KCNH8: variants seen among roughly 807,000 people sequenced by gnomAD.
KCNH8 encodes the protein voltage-gated delayed rectifier potassium channel KCNH8.
KCNH8 carries 70 observed loss-of-function variants against 103.6 expected under a neutral mutation model. The ratio of observed to expected loss-of-function variants is 0.68; its 90% CI spans 0.56 to 0.82. The LOEUF is 0.82. Ranked by LOEUF, KCNH8 falls within the 40% of genes least tolerant of loss-of-function variation. The probability of loss-of-function intolerance (pLI) is 0.00; values close to 1 mark genes in which losing one functional copy is unlikely to be tolerated. For synonymous variants in KCNH8, 498 were observed against 489.4 expected (o/e 1.02, Z -0.23); for missense variants, 1,217 against 1,329.9 (o/e 0.92, Z 1.32).
intron 1 of KCNH8, among the ~76,000 whole-genome samples, chr3:19,177,717 CATGA>C (rs1386100128): frequency 1.3e-5 from 2 of 151,958 alleles, no homozygotes; most frequent in Non-Finnish European, 2.9e-5. Context: ...TTTAAAGAAT[CATGA>C]ATGAACTAAT....
chr3:19,209,469 G>A (rs755421307), intron 1 of KCNH8, among the ~76,000 whole-genome samples: 1 of 152,012 alleles, frequency 6.6e-6, no homozygotes, highest in Non-Finnish European at 1.5e-5. Context: ...AAATGAAGTA[G>A]GTTCTTCTAA....
intron 11 of KCNH8, among the ~76,000 whole-genome samples, chr3:19,502,127 AACAG>A (rs1480980066): frequency 3.4e-5 from 5 of 147,370 alleles, no homozygotes; most frequent in Non-Finnish European, 7.5e-5. Context: ...ATACACCAAC[AACAG>A]ACAAACAGAG....
chr3:19,208,017 A>C (rs772639980), intron 1 of KCNH8, among the ~76,000 whole-genome samples: 1 of 152,074 alleles, frequency 6.6e-6, no homozygotes, highest in Non-Finnish European at 1.5e-5. Flanking sequence ...GGCAATTCTA[A>C]GAATTATTAA....
intron 15 of KCNH8, among the ~76,000 whole-genome samples, chr3:19,519,304 TG>T (rs2068931104): frequency 2.6e-5 from 4 of 151,824 alleles, no homozygotes; most frequent in Non-Finnish European, 5.9e-5. Context: ...GATGACACTT[TG>T]GGGAAAATGT....
chr3:19,413,939 T>C (rs183008805), intron 7 of KCNH8, among the ~76,000 whole-genome samples: 8 of 152,172 alleles, frequency 5.3e-5, no homozygotes, highest in Admixed American at 2.0e-4. Context: ...ACCATTGATA[T>C]GTTGTAAGAA....
intron 5 of KCNH8, among the ~76,000 whole-genome samples, chr3:19,357,203 T>C (rs1366011126): frequency 1.6e-5 from 1 of 63,050 alleles, no homozygotes; most frequent in African/African-American, 1.2e-4. Flanking sequence ...ATAATTCTTT[T>C]CCCTGATAAA....
chr3:19,267,738 G>A (rs535236813), intron 2 of KCNH8, among the ~76,000 whole-genome samples: 38 of 152,182 alleles, frequency 2.5e-4, no homozygotes, highest in African/African-American at 8.7e-4. Context: ...TAGAAAATAT[G>A]AAGAAACACA....
intron 7 of KCNH8, among the ~76,000 whole-genome samples, chr3:19,432,677 A>G (rs2067140452): frequency 6.6e-6 from 1 of 152,184 alleles, no homozygotes; most frequent in Non-Finnish European, 1.5e-5. Flanking sequence ...TATTTAAGCC[A>G]CGAGAAACAC....
intron 6 of KCNH8, 30 bp downstream of exon 6, chr3:19,390,668 T>C (rs766734627): frequency 1.9e-6 from 3 of 1,583,370 alleles, no homozygotes; most frequent in East Asian, 4.6e-5. Context: ...CCACATGGCC[T>C]TTAAGGTTGA....
At chr3:19,195,467 T>C (rs1158314777) in intron 1 of KCNH8, among the ~76,000 whole-genome samples, 1 of 151,966 alleles carries the variant, frequency 6.6e-6, no homozygotes, top group East Asian at 1.9e-4. Flanking sequence ...GAGGAATTCA[T>C]GTCTCATCTC....
At chr3:19,435,093 C>T (rs946839012) in intron 7 of KCNH8, among the ~76,000 whole-genome samples, 2 of 152,028 alleles carry the variant, frequency 1.3e-5, no homozygotes, top group African/African-American at 2.4e-5. Flanking sequence ...TGTTACTGGG[C>T]TTGATTGTGG....
intron 1 of KCNH8, among the ~76,000 whole-genome samples, chr3:19,238,433 A>G (rs1224601028): frequency 6.6e-6 from 1 of 152,216 alleles, no homozygotes; most frequent in Non-Finnish European, 1.5e-5. Flanking sequence ...AAACTGAAAA[A>G]GAAAAAAATA....
chr3:19,200,162 A>G (rs572551633), intron 1 of KCNH8, among the ~76,000 whole-genome samples: 64 of 152,236 alleles, frequency 4.2e-4, no homozygotes, highest in Middle Eastern at 3.4e-3. Flanking sequence ...ACAAGAGGAA[A>G]AAATGGGTGG....
intron 5 of KCNH8, among the ~76,000 whole-genome samples, chr3:19,389,349 A>T (rs2066402023): frequency 6.6e-6 from 1 of 152,250 alleles, no homozygotes; most frequent in Non-Finnish European, 1.5e-5. Context: ...CACGGATGTC[A>T]TTTGATCAGC....
At chr3:19,504,246 C>A (rs1318587298) in intron 11 of KCNH8, among the ~76,000 whole-genome samples, 1 of 152,142 alleles carries the variant, frequency 6.6e-6, no homozygotes, top group Non-Finnish European at 1.5e-5. Flanking sequence ...TGGAAGACAA[C>A]CTTGGCAAAT....
chr3:19,238,842 C>T (rs1205030004), intron 1 of KCNH8, among the ~76,000 whole-genome samples: 1 of 152,144 alleles, frequency 6.6e-6, no homozygotes, highest in African/African-American at 2.4e-5. Flanking sequence ...AAGTGTCTAG[C>T]AGTGAGCAGG....
chr3:19,515,757 T>A (rs1050587935), intron 14 of KCNH8, among the ~76,000 whole-genome samples: 1 of 152,030 alleles, frequency 6.6e-6, no homozygotes, highest in Admixed American at 6.6e-5. Context: ...AAAAACATTA[T>A]CTAGAGGAAA....
At chr3:19,341,180 A>C (rs531075803) in intron 3 of KCNH8, among the ~76,000 whole-genome samples, 1 of 152,048 alleles carries the variant, frequency 6.6e-6, no homozygotes, top group Admixed American at 6.6e-5. Context: ...GCACATGTTC[A>C]CTTGAGGTGC....
chr3:19,274,038 AAGG>A (rs906512212), intron 2 of KCNH8, among the ~76,000 whole-genome samples: 2 of 152,110 alleles, frequency 1.3e-5, no homozygotes, highest in Admixed American at 1.3e-4. Context: ...TATGTGTAGA[AAGG>A]AGAATTAAAT....
Sources: gnomAD v4.1 joint callset for allele counts (sites outside exome capture counted in the v4.1 genomes callset) on GRCh38, gnomAD v4.1.1 for gene constraint, MANE v1.5 for transcripts, NCBI Gene and HGNC (gene_info 2026-07-23, HGNC 2026-07-21) for gene names.